Variants in XPNPEP3 observed in about 807,000 individuals in gnomAD.
XPNPEP3 encodes X-prolyl aminopeptidase 3, also known as xaa-Pro aminopeptidase 3.
A neutral mutation model predicts 60.0 loss-of-function variants in XPNPEP3; 41 were observed. The observed-to-expected ratio is 0.68, with a 90% CI of 0.53 to 0.89. The LOEUF (loss-of-function observed/expected upper bound fraction) is 0.89. Among genes scored for constraint, XPNPEP3 ranks in the 40% least tolerant of loss-of-function variants. XPNPEP3 has a pLI of 0.00. For synonymous variants in XPNPEP3, 212 were observed against 223.2 expected (o/e 0.95, Z 0.45); for missense variants, 598 against 638.9 (o/e 0.94, Z 0.69).
In XPNPEP3 at chr22:40,892,384, A is replaced by G. The variant is rs1186089469; in HGVS notation, c.792+5869A>G. On this transcript the variant is annotated intron_variant, in intron 4 of 9. Transcript: ENST00000357137. ...GTATTTTTAGTAGAGACGGGGTTTC[A>G]CCATGTTGGCCAGGATGGTCTCAAT... Among the ~76,000 whole-genome samples, 3 of 151,994 alleles carry G rather than the reference A, an allele frequency of 2.0e-5. 1 individual carries two copies. Among genetic ancestry groups the G allele is most frequent in the Admixed American group, 2.0e-4 (3 of 15,258 alleles).
rs2057978193 is a variant in XPNPEP3, at chr22:40,866,274, G to C, written c.65-2725G>C. Among the ~76,000 whole-genome samples the C allele has an allele frequency of 2.0e-5, 3 of 151,990 alleles. No individual in the cohort carries two copies. In the South Asian group the frequency reaches 6.2e-4, roughly 31 times the overall value. On this transcript the variant is annotated intron_variant, in intron 1 of 9. Coordinates refer to ENST00000357137, the MANE Select transcript of XPNPEP3 (RefSeq NM_022098.4). ...CAAGTGATCTCTGCTTCCAAAGATT[G>C]TTCATAGTAGACTGGCAAACTAATT...
chr22:40,862,625 A>T (rs2057957081), intron 1 of XPNPEP3: 5 of 985,376 alleles, frequency 5.1e-6, no homozygotes, highest in Non-Finnish European at 6.0e-6. Context: ...TGGGGGTGTC[A>T]ATGAAAGCCT....
Position 40,924,518 on chromosome 22 carries a change from A to ATGTTTGTT in XPNPEP3, c.1357+50_1357+57dup, listed in dbSNP as rs541190297. On this transcript the variant is annotated intron_variant, in intron 9 of 9. Transcript: ENST00000357137. ...GTGTTACAATAGTAGTATGAGGTAA[A>ATGTTTGTT]TGTTTGTTTGTTTGTTTGTTTTTGA... The ATGTTTGTT allele has an allele frequency of 1.9e-6, 3 of 1,612,598 alleles. No individual in the cohort carries two copies. In the South Asian group the frequency reaches 3.3e-5, roughly 18 times the overall value.
intron 2 of XPNPEP3, among the ~76,000 whole-genome samples, chr22:40,873,915 A>G (rs1300419805): frequency 1.3e-5 from 2 of 152,204 alleles, no homozygotes; most frequent in Admixed American, 6.5e-5. Context: ...GTTATAGATA[A>G]TAATCCCCAA....
intron 4 of XPNPEP3, among the ~76,000 whole-genome samples, chr22:40,901,914 T>C (rs2058134975): frequency 6.6e-6 from 1 of 152,070 alleles, no homozygotes; most frequent in East Asian, 1.9e-4. Flanking sequence ...TGAAAATGTT[T>C]GGGAACTAGA....
chr22:40,860,636 C>A, intron 1 of XPNPEP3: 3 of 1,298,122 alleles, frequency 2.3e-6, no homozygotes, highest in South Asian at 3.0e-5. Flanking sequence ...GTAAAAAACT[C>A]ATTGCAGTTT....
chr22:40,892,901 A>G (rs1382269107), intron 4 of XPNPEP3, among the ~76,000 whole-genome samples: 1 of 151,772 alleles, frequency 6.6e-6, no homozygotes, highest in Admixed American at 6.6e-5. Context: ...CTATTTACCC[A>G]CAATAACAAT....
At chr22:40,876,880 A>G (rs1244561997) in intron 2 of XPNPEP3, among the ~76,000 whole-genome samples, 1 of 152,184 alleles carries the variant, frequency 6.6e-6, no homozygotes, top group Non-Finnish European at 1.5e-5. Flanking sequence ...TACTTTTTTT[A>G]AATCAGGTAA....
chr22:40,875,850 T>TAA (rs768463487), intron 2 of XPNPEP3, among the ~76,000 whole-genome samples: 24 of 119,502 alleles, frequency 2.0e-4, no homozygotes, highest in South Asian at 5.5e-4. Context: ...CCACCTCTAC[T>TAA]AAAAAAAAAA....
At chr22:40,874,752 G>A (rs2058021076) in intron 2 of XPNPEP3, among the ~76,000 whole-genome samples, 2 of 152,072 alleles carry the variant, frequency 1.3e-5, no homozygotes, top group Non-Finnish European at 2.9e-5. Context: ...AGAGCTCCCC[G>A]GGCGTTTCTC....
At position 40,875,122 on chromosome 22, in the gene XPNPEP3, A is replaced by G. The variant is rs147274242; in HGVS notation, c.181+6007A>G. 1.2e-3 allele frequency among the ~76,000 whole-genome samples: 188 copies of G among 152,252 alleles called. 2 individuals are homozygous for G. In the East Asian group the frequency reaches 0.032, roughly 26 times the overall value. Reference sequence around the variant, plus strand: ...TCACCATGAAGCCCACCTGTTTTATAAAGTAATATATTTTATTTTCTCACC... The same window carrying G: ...TCACCATGAAGCCCACCTGTTTTATGAAGTAATATATTTTATTTTCTCACC... On this transcript the variant is annotated intron_variant, in intron 2 of 9. Transcript: ENST00000357137.
chr22:40,920,110 G>C (rs1002781985), intron 7 of XPNPEP3, among the ~76,000 whole-genome samples: 1 of 152,182 alleles, frequency 6.6e-6, no homozygotes, highest in Non-Finnish European at 1.5e-5. Context: ...ACTCATGCCT[G>C]TAATCCTAGG....
At chr22:40,862,249 G>T in intron 1 of XPNPEP3, 1 of 1,205,410 alleles carries the variant, frequency 8.3e-7, no homozygotes. Context: ...TCCAAATAGA[G>T]CTAGTCCAGA....
At chr22:40,910,994 G>A (rs1188075107) in intron 6 of XPNPEP3, among the ~76,000 whole-genome samples, 2 of 152,156 alleles carry the variant, frequency 1.3e-5, no homozygotes, top group African/African-American at 2.4e-5. Flanking sequence ...GTGACAGAGC[G>A]AGACTCCGTC....
chr22:40,881,443 C>T (rs972713379), intron 2 of XPNPEP3, among the ~76,000 whole-genome samples: 21 of 143,012 alleles, frequency 1.5e-4, no homozygotes, highest in East Asian at 6.0e-4. Flanking sequence ...GCAACAAGAG[C>T]GAAACTCTGT....
chr22:40,907,223 C>G, intron 4 of XPNPEP3: 1 of 457,808 alleles, frequency 2.2e-6, no homozygotes, highest in South Asian at 1.6e-5. Context: ...AGATCGAGAC[C>G]ATCCTGGCTA....
At chr22:40,897,462 C>A (rs1405899758) in intron 4 of XPNPEP3, among the ~76,000 whole-genome samples, 2 of 151,516 alleles carry the variant, frequency 1.3e-5, no homozygotes, top group African/African-American at 4.8e-5. Flanking sequence ...GGGTATATAC[C>A]CAGAAGTAGA....
intron 4 of XPNPEP3, among the ~76,000 whole-genome samples, chr22:40,894,547 G>A (rs2058100842): frequency 6.6e-6 from 1 of 152,322 alleles, no homozygotes; most frequent in East Asian, 1.9e-4. Context: ...ATCATAGGGA[G>A]ATAAATTGGA....
At chr22:40,860,605 C>G (rs2057936992) in intron 1 of XPNPEP3, 1 of 1,262,376 alleles carries the variant, frequency 7.9e-7, no homozygotes, top group South Asian at 1.7e-5. Context: ...GCTATAAACT[C>G]TACTAAAGAA....
Sources: gnomAD v4.1 joint callset for allele counts (sites outside exome capture counted in the v4.1 genomes callset) on GRCh38, gnomAD v4.1.1 for gene constraint, MANE v1.5 for transcripts, NCBI Gene and HGNC (gene_info 2026-07-23, HGNC 2026-07-21) for gene names.